Variants in PRCP observed in about 807,000 individuals in gnomAD.
PRCP encodes lysosomal Pro-X carboxypeptidase.
Under a neutral mutation model 54.2 loss-of-function variants are expected in PRCP, and 46 were observed. The ratio of observed to expected loss-of-function variants is 0.85; its 90% confidence interval spans 0.67 to 1.09. PRCP has a LOEUF of 1.09. PRCP is among the 50% of genes least tolerant of loss of function. The probability of loss-of-function intolerance (pLI) is 0.00; values close to 1 mark genes in which losing one functional copy is unlikely to be tolerated. For synonymous variants in PRCP, 240 were observed against 212.2 expected, an observed-to-expected ratio of 1.13 and a Z score of -1.14; for missense variants, 613 against 596.8, an observed-to-expected ratio of 1.03 and a Z score of -0.28.
chr11:82,873,792 A>G (rs1038542598), intron 1 of PRCP, among the ~76,000 whole-genome samples: 5 of 152,262 alleles, frequency 3.3e-5, no homozygotes, highest in Non-Finnish European at 7.3e-5. Context: ...ACTGCTTTAA[A>G]ATAAATTTTT....
At chr11:82,875,051 G>A (rs561867685) in intron 1 of PRCP, among the ~76,000 whole-genome samples, 1 of 151,724 alleles carries the variant, frequency 6.6e-6, no homozygotes, top group South Asian at 2.1e-4. Flanking sequence ...TATAAAAAAA[G>A]TTAGAATCTG....
chr11:82,849,172 T>G lies in PRCP; in HGVS notation c.798A>C (p.Pro266=), dbSNP rs772769194. ...WLTGALHLCS[P]LTSQDIQHLK... The stretch of plus-strand genomic sequence containing the variant: ...AATGTTGGATGTCCTGAGAAGTTAA[T>G]GGGCTGCATAAGTGAAGGGCTCCAG... The change falls in exon 6 of 9, where the codon CCA becomes CCC. Residue 266 remains proline, a synonymous_variant. Transcript: ENST00000313010. 10 of 1,613,986 alleles carry G rather than the reference T, an allele frequency of 6.2e-6. No individual in the cohort carries two copies. In the Admixed American group the frequency reaches 1.5e-4, roughly 24 times the overall value.
At chr11:82,833,929 C>G (rs1020299551) in intron 8 of PRCP, among the ~76,000 whole-genome samples, 1 of 152,152 alleles carries the variant, frequency 6.6e-6, no homozygotes, top group African/African-American at 2.4e-5. Context: ...ACTTTTCTCA[C>G]AAAATATGCC....
At chr11:82,875,601 G>A (rs539032718) in intron 1 of PRCP, among the ~76,000 whole-genome samples, 6 of 152,170 alleles carry the variant, frequency 3.9e-5, no homozygotes, top group South Asian at 2.1e-4. Context: ...TCTGTGTGCC[G>A]GGCTATACTG....
intron 2 of PRCP, 78 bp from the exon 3 acceptor site, chr11:82,853,356 G>T: frequency 8.5e-7 from 1 of 1,175,210 alleles, no homozygotes; most frequent in Non-Finnish European, 1.2e-6. Flanking sequence ...AAACCATATG[G>T]AATAGATGTT....
intron 1 of PRCP, among the ~76,000 whole-genome samples, chr11:82,877,963 C>G (rs185660130): frequency 7.8e-4 from 118 of 152,230 alleles, no homozygotes; most frequent in African/African-American, 2.7e-3. Context: ...GAGGCTGTAC[C>G]CTGCAAAGCC....
chr11:82,864,817 G>A (rs1391139277), intron 1 of PRCP, among the ~76,000 whole-genome samples: 2 of 152,116 alleles, frequency 1.3e-5, no homozygotes, highest in African/African-American at 4.8e-5. Flanking sequence ...GTGAGAATGG[G>A]TAGGCAAGAA....
chr11:82,853,221 G>A lies in PRCP; in HGVS notation c.367C>T (p.Arg123Ter), dbSNP rs766797712. ...LKAMLVFAEH[R>*]YYGESLPFGD... is the part of the protein sequence containing the mutation. ...AAGGGGAGAGACTCTCCATAGTATC[G>A]ATGTTCAGCAAACACCAACATAGCT... The change falls in exon 3 of 9, where the codon CGA (arginine) becomes TGA (stop). Residue 123 changes from arginine to a stop codon, truncating the protein, a stop_gained. Coordinates refer to ENST00000313010, the MANE Select transcript of PRCP (RefSeq NM_005040.4). LOFTEE classifies it high-confidence loss of function. 6.2e-6 allele frequency: 10 copies of A among 1,612,702 alleles called. No homozygotes were observed. Among genetic ancestry groups the A allele is most frequent in the South Asian group, 1.1e-5 (1 of 90,924 alleles).
chr11:82,872,090 ATTG>A (rs778046852), intron 1 of PRCP, among the ~76,000 whole-genome samples: 47 of 152,182 alleles, frequency 3.1e-4, no homozygotes, highest in Non-Finnish European at 7.3e-5. Flanking sequence ...ATTATTCATT[ATTG>A]TTGTTAATCT....
chr11:82,893,882 T>C (rs933942856), intron 1 of PRCP, among the ~76,000 whole-genome samples: 28 of 152,316 alleles, frequency 1.8e-4, no homozygotes, highest in Admixed American at 7.8e-4. Context: ...ATTAATTAAG[T>C]GAATGTCTAT....
intron 1 of PRCP, among the ~76,000 whole-genome samples, chr11:82,898,334 G>A (rs1860165839): frequency 6.6e-6 from 1 of 152,206 alleles, no homozygotes. Flanking sequence ...TCTAAGGAGT[G>A]TAGTGGCCAA....
rs982560242 is a variant in PRCP at position 82,845,498 on chromosome 11, G to C, written c.921+3551C>G. ...TTCTAACAGATTTTCTTTCTCTAAG[G>C]CTTCAATACCCCTCTCACACTCACT... On this transcript the variant is annotated intron_variant, in intron 6 of 8. Coordinates refer to ENST00000313010, the MANE Select transcript of PRCP (RefSeq NM_005040.4). 3 of 152,052 alleles carry C rather than the reference G, an allele frequency of 2.0e-5. No individual in the cohort carries two copies. In the South Asian group the frequency reaches 6.2e-4, roughly 32 times the overall value. The allele number at this position is 152,052 out of a possible 1,614,324, so 9.4% of individuals were successfully genotyped here.
At chr11:82,862,695 A>G (rs1175451749) in intron 1 of PRCP, among the ~76,000 whole-genome samples, 1 of 152,226 alleles carries the variant, frequency 6.6e-6, no homozygotes. Flanking sequence ...ATGTAGTCCT[A>G]AAATATGATA....
chr11:82,882,197 A>C (rs1565234046), intron 1 of PRCP, among the ~76,000 whole-genome samples: 1 of 152,110 alleles, frequency 6.6e-6, no homozygotes, highest in Non-Finnish European at 1.5e-5. Flanking sequence ...GAGGAGGTGA[A>C]AGGGGAGACA....
chr11:82,854,633 TCA>T (rs1859037189), intron 2 of PRCP, among the ~76,000 whole-genome samples: 1 of 150,202 alleles, frequency 6.7e-6, no homozygotes, highest in Non-Finnish European at 1.5e-5. Context: ...ACATCATTTT[TCA>T]CAGAGTTAGG....
intron 6 of PRCP, among the ~76,000 whole-genome samples, chr11:82,841,133 G>C (rs1858657549): frequency 8.1e-6 from 1 of 124,142 alleles, no homozygotes; most frequent in African/African-American, 3.4e-5. Flanking sequence ...CTCAGGGAGA[G>C]AGATTCTGGG....
rs1858181796 is a variant in PRCP at position 82,824,828 on chromosome 11, T to C, written c.*78A>G. On this transcript the variant is annotated 3_prime_UTR_variant, in exon 9 of 9. Coordinates refer to ENST00000313010, the MANE Select transcript of PRCP (RefSeq NM_005040.4). ...CTAATGATAAACAAAAGAAGGTAAT[T>C]ACATGTAGAAAATCAAAGTGAATGG... The C allele has an allele frequency of 1.4e-6, 2 of 1,383,552 alleles. No homozygotes were observed. Among genetic ancestry groups the C allele is most frequent in the Admixed American group, 2.0e-5 (1 of 50,106 alleles). The allele number at this position is 1,383,552 out of a possible 1,614,324, so 85.7% of individuals were successfully genotyped here.
intron 1 of PRCP, among the ~76,000 whole-genome samples, chr11:82,866,703 T>C (rs1026652531): frequency 3.6e-4 from 54 of 152,048 alleles, no homozygotes; most frequent in African/African-American, 1.1e-3. Flanking sequence ...ACATGGCAGA[T>C]ACTTTATAGA....
At chr11:82,873,084 A>ATTTTTT (rs1859518477) in intron 1 of PRCP, among the ~76,000 whole-genome samples, 3 of 148,992 alleles carry the variant, frequency 2.0e-5, no homozygotes, top group African/African-American at 7.6e-5. Flanking sequence ...TTTTTTAAAA[A>ATTTTTT]AAAAGAAAGT....
Sources: gnomAD v4.1 joint callset for allele counts (sites outside exome capture counted in the v4.1 genomes callset) on GRCh38, gnomAD v4.1.1 for gene constraint, MANE v1.5 for transcripts, NCBI Gene and HGNC (gene_info 2026-07-23, HGNC 2026-07-21) for gene names.